Variants in XRCC4 observed in about 807,000 individuals in gnomAD.
The protein encoded by XRCC4 is DNA repair protein XRCC4.
A neutral mutation model predicts 39.1 loss-of-function variants in XRCC4; 28 were observed. The observed-to-expected ratio is 0.72, with a 90% CI of 0.53 to 0.98. The LOEUF (loss-of-function observed/expected upper bound fraction) is 0.98. XRCC4 is among the 50% of genes least tolerant of loss of function. The pLI, the probability that XRCC4 is intolerant of heterozygous loss-of-function variation, is 0.00. For missense variants in XRCC4, 350 were observed against 376.4 expected (o/e 0.93, Z 0.58); for synonymous variants, 123 against 126.4 (o/e 0.97, Z 0.18).
At chr5:83,180,643 A>G (rs1750163676) in intron 3 of XRCC4, among the ~76,000 whole-genome samples, 2 of 152,162 alleles carry the variant, frequency 1.3e-5, no homozygotes, top group Admixed American at 6.6e-5. Context: ...TTAGGTTGCT[A>G]TAATGTATTG....
chr5:83,140,430 C>G (rs1339676069), intron 3 of XRCC4, among the ~76,000 whole-genome samples: 1 of 152,164 alleles, frequency 6.6e-6, no homozygotes, highest in Non-Finnish European at 1.5e-5. Context: ...CTTATCCCAC[C>G]TTTCTCGCCT....
At chr5:83,133,888 G>T (rs2112491489) in intron 3 of XRCC4, among the ~76,000 whole-genome samples, 1 of 152,320 alleles carries the variant, frequency 6.6e-6, no homozygotes, top group East Asian at 1.9e-4. Context: ...GCATATGAGG[G>T]CCCCTCTCTG....
chr5:83,325,975 T>A (rs1756246518), intron 7 of XRCC4, among the ~76,000 whole-genome samples: 1 of 152,002 alleles, frequency 6.6e-6, no homozygotes, highest in Admixed American at 6.6e-5. Flanking sequence ...CATCTGTTGT[T>A]TTTTGACTTT....
chr5:83,198,976 T>C (rs1751063990), intron 4 of XRCC4, among the ~76,000 whole-genome samples: 1 of 152,158 alleles, frequency 6.6e-6, no homozygotes, highest in East Asian at 1.9e-4. Context: ...TGTTACTGAA[T>C]AGGTGTTTTG....
At chr5:83,373,173 C>T in the XRCC4 span, among the ~76,000 whole-genome samples, 1 of 151,948 alleles carries the variant, frequency 6.6e-6, no homozygotes. Context: ...GCAGCTCTAC[C>T]CAGCATTGGC....
chr5:83,134,435 A>G (rs1747777497), intron 3 of XRCC4, among the ~76,000 whole-genome samples: 1 of 152,184 alleles, frequency 6.6e-6, no homozygotes, highest in African/African-American at 2.4e-5. Flanking sequence ...CTGTCTAGCT[A>G]AAGGGTTGTA....
chr5:83,189,862 C>T (rs1750616087), intron 3 of XRCC4, among the ~76,000 whole-genome samples: 2 of 151,984 alleles, frequency 1.3e-5, no homozygotes, highest in African/African-American at 4.8e-5. Flanking sequence ...GTCAGGAGTT[C>T]GAGACCAGCC....
chr5:83,195,738 C>G, intron 3 of XRCC4, 32 bp from the exon 4 acceptor site: 2 of 1,510,962 alleles, frequency 1.3e-6, no homozygotes, highest in South Asian at 2.8e-5. Flanking sequence ...TGATATTTTC[C>G]CCAAATTAAC....
intron 7 of XRCC4, among the ~76,000 whole-genome samples, chr5:83,272,674 C>T (rs927410263): frequency 6.6e-6 from 1 of 152,064 alleles, no homozygotes; most frequent in Non-Finnish European, 1.5e-5. Flanking sequence ...TCAGAACATG[C>T]AGTGTTTGGT....
intron 7 of XRCC4, among the ~76,000 whole-genome samples, chr5:83,263,100 T>A (rs1382713681): frequency 6.8e-6 from 1 of 148,142 alleles, no homozygotes; most frequent in Non-Finnish European, 1.5e-5. Context: ...CGGTGTTTGG[T>A]TTTTTGTTCT....
chr5:83,106,802 C>T (rs184563403), intron 2 of XRCC4, among the ~76,000 whole-genome samples: 6 of 151,816 alleles, frequency 4.0e-5, no homozygotes, highest in Non-Finnish European at 5.9e-5. Context: ...CCGGTACCTA[C>T]GAAATACATT....
intron 6 of XRCC4, among the ~76,000 whole-genome samples, chr5:83,215,392 T>C (rs903120500): frequency 3.9e-5 from 6 of 152,088 alleles, no homozygotes; most frequent in African/African-American, 1.4e-4. Flanking sequence ...AATTGGTACA[T>C]AGATTCAGTG....
chr5:83,362,100 A>T, the XRCC4 span, among the ~76,000 whole-genome samples: 1 of 152,008 alleles, frequency 6.6e-6, no homozygotes, highest in African/African-American at 2.4e-5. Context: ...AAATGTTAAT[A>T]CTTTTTACTC....
At chr5:83,103,784 AAG>A (rs1746067878) in intron 1 of XRCC4, among the ~76,000 whole-genome samples, 1 of 152,210 alleles carries the variant, frequency 6.6e-6, no homozygotes, top group African/African-American at 2.4e-5. Flanking sequence ...TGTTGAGCAA[AAG>A]AAGCCAGACA....
rs141474176 is a variant in XRCC4, at chr5:83,330,033, A to G, written c.894-23098A>G. The stretch of plus-strand genomic sequence containing the variant: ...GTCACCAGATAACAAAACTATTCAG[A>G]AGTAACACGGGCATCATATTAGCAA... On this transcript the variant is annotated intron_variant, in intron 7 of 7. Transcript: ENST00000396027. Among the ~76,000 whole-genome samples the G allele has an allele frequency of 3.3e-3, 506 of 152,258 alleles. 15 individuals carry two copies. The East Asian group carries it at 0.076, about 23-fold the overall frequency.
At position 83,124,451 on chromosome 5, in the gene XRCC4, T is replaced by C. The variant is rs554719275; in HGVS notation, c.315+13248T>C. ...AATCGTTGAATGTATCAGTAGATCA[T>C]TTTCTTTATTGTTGAGTAGTCTATT... On this transcript the variant is annotated intron_variant, in intron 3 of 7. Transcript: ENST00000396027. 1.2e-4 allele frequency among the ~76,000 whole-genome samples: 19 copies of C among 152,288 alleles called. No individual in the cohort carries two copies. The East Asian group carries it at 3.7e-3, about 29-fold the overall frequency.
chr5:83,113,042 G>C (rs1337614380), intron 3 of XRCC4, among the ~76,000 whole-genome samples: 1 of 152,108 alleles, frequency 6.6e-6, no homozygotes, highest in African/African-American at 2.4e-5. Context: ...CAAGTCCACA[G>C]TCCAAAGTCT....
At chr5:83,205,963 G>C (rs1751404679) in intron 6 of XRCC4, among the ~76,000 whole-genome samples, 1 of 152,068 alleles carries the variant, frequency 6.6e-6, no homozygotes, top group African/African-American at 2.4e-5. Context: ...CAAAGTTCCT[G>C]ACGCGTTTAA....
chr5:83,100,461 A>G (rs1459822910), intron 1 of XRCC4, among the ~76,000 whole-genome samples: 3 of 152,100 alleles, frequency 2.0e-5, no homozygotes, highest in African/African-American at 7.2e-5. Context: ...TTTTCTCTGT[A>G]ATTAGAAATT....
Sources: allele counts gnomAD v4.1 joint callset (sites outside exome capture counted in the v4.1 genomes callset), GRCh38; gene constraint gnomAD v4.1.1; transcripts MANE v1.5; gene names NCBI Gene and HGNC (gene_info 2026-07-23, HGNC 2026-07-21).